TMED3: variants seen among roughly 807,000 people sequenced by gnomAD.
TMED3 encodes the protein transmembrane p24 trafficking protein 3, also known as transmembrane emp24 domain-containing protein 3.
A neutral mutation model predicts 15.0 loss-of-function variants in TMED3; 9 were observed. That is an observed-to-expected ratio of 0.60 (90% confidence interval 0.36 to 1.04). The LOEUF is 1.04. TMED3 is among the 50% of genes least tolerant of loss of function. The pLI is 0.01. For synonymous variants in TMED3, 117 were observed against 121.4 expected, an observed-to-expected ratio of 0.96 and a Z score of 0.24; for missense variants, 267 against 278.9, an observed-to-expected ratio of 0.96 and a Z score of 0.30.
intron 2 of TMED3, among the ~76,000 whole-genome samples, chr15:79,389,697 A>G (rs954275675): frequency 4.8e-4 from 73 of 152,148 alleles, no homozygotes; most frequent in Non-Finnish European, 2.9e-5. Flanking sequence ...GGTCGTTTTC[A>G]CAATATTGAT....
chr15:79,311,543 G>C, intron 1 of TMED3, 126 bp downstream of exon 1: 1 of 1,175,458 alleles, frequency 8.5e-7, no homozygotes, highest in Non-Finnish European at 1.2e-6. Context: ...CATGGGGTGG[G>C]AGTCCCCGGA....
chr15:79,326,633 A>T (rs1254604238), downstream of TMED3, among the ~76,000 whole-genome samples: 2 of 152,168 alleles, frequency 1.3e-5, no homozygotes, highest in African/African-American at 4.8e-5. Context: ...AGGAACAATC[A>T]CTTGTTGCAG....
At chr15:79,353,086 A>G (rs1489270906) in intron 2 of TMED3, among the ~76,000 whole-genome samples, 9 of 103,922 alleles carry the variant, frequency 8.7e-5, no homozygotes, top group African/African-American at 3.5e-4. Context: ...TTATATATAA[A>G]ATATAAATGT....
In TMED3 at chr15:79,408,375, G is replaced by C. The variant is rs999654695; in HGVS notation, c.418-3025G>C. Among the ~76,000 whole-genome samples, 3 of 152,232 alleles carry C rather than the reference G, an allele frequency of 2.0e-5. 1 individual carries two copies. The highest frequency in any genetic ancestry group is 7.2e-5 in the African/African-American group (3 of 41,456). On this transcript the variant is annotated intron_variant, in intron 2 of 2. Coordinates refer to the TMED3 transcript ENST00000424155. ...CCCATAGGCTTTTCAGAGACCTATA[G>C]CATCTATGATCTGAGTGCTGAGTTG...
At chr15:79,385,921 T>C (rs1893621481) in intron 2 of TMED3, among the ~76,000 whole-genome samples, 1 of 152,210 alleles carries the variant, frequency 6.6e-6, no homozygotes, top group Admixed American at 6.5e-5. Context: ...ATTTTACAAA[T>C]GATAAAACAA....
chr15:79,402,562 G>C (rs1017496114), intron 2 of TMED3, among the ~76,000 whole-genome samples: 1 of 151,274 alleles, frequency 6.6e-6, no homozygotes, highest in Non-Finnish European at 1.5e-5. Flanking sequence ...GGTGGATCAC[G>C]AGGTCAGGGG....
At chr15:79,408,321 G>A (rs1395935) in intron 2 of TMED3, among the ~76,000 whole-genome samples, 2 of 152,056 alleles carry the variant, frequency 1.3e-5, no homozygotes, top group African/African-American at 4.8e-5. Flanking sequence ...TCTGCCAGTC[G>A]CAGTTCCTCC....
intron 2 of TMED3, among the ~76,000 whole-genome samples, chr15:79,363,005 T>G (rs975142323): frequency 3.3e-5 from 5 of 152,054 alleles, no homozygotes; most frequent in Non-Finnish European, 7.3e-5. Flanking sequence ...ATGAAAATTG[T>G]TTGATTAGGG....
At chr15:79,311,547 C>A in intron 1 of TMED3, 130 bp downstream of exon 1, 2 of 1,132,132 alleles carry the variant, frequency 1.8e-6, no homozygotes, top group South Asian at 1.7e-5. Context: ...GGGTGGGAGT[C>A]CCCGGAGACC....
chr15:79,387,948 CTTAA>C (rs1000995694), intron 2 of TMED3, among the ~76,000 whole-genome samples: 1 of 152,076 alleles, frequency 6.6e-6, no homozygotes, highest in Non-Finnish European at 1.5e-5. Context: ...GCTAATCTTT[CTTAA>C]TTATTAAAAA....
At chr15:79,406,455 GGGA>G (rs1158751425) in intron 2 of TMED3, among the ~76,000 whole-genome samples, 2 of 152,188 alleles carry the variant, frequency 1.3e-5, no homozygotes, top group Non-Finnish European at 2.9e-5. Context: ...CACTCTAACT[GGGA>G]GGGTGGGGGC....
At chr15:79,407,981 A>G (rs1457856259) in intron 2 of TMED3, among the ~76,000 whole-genome samples, 1 of 152,218 alleles carries the variant, frequency 6.6e-6, no homozygotes, top group Non-Finnish European at 1.5e-5. Context: ...GATTTTGCGC[A>G]AGTCATTCAG....
chr15:79,336,719 AAAAC>A (rs71894789), intron 2 of TMED3, among the ~76,000 whole-genome samples: 57,891 of 151,492 alleles, frequency 0.38, 12,142 homozygotes, highest in East Asian at 0.54. Flanking sequence ...ACAAACACAA[AAAAC>A]AAACAAAGAA....
chr15:79,384,211 G>T (rs1893589069), intron 2 of TMED3: 1 of 152,254 alleles, frequency 6.6e-6, no homozygotes, highest in Admixed American at 6.5e-5. Context: ...TCTCGAGGCA[G>T]TGATTAATAC....
chr15:79,339,917 G>T (rs564358054), intron 2 of TMED3, among the ~76,000 whole-genome samples: 1 of 152,044 alleles, frequency 6.6e-6, no homozygotes, highest in South Asian at 2.1e-4. Context: ...TGGTGATGGT[G>T]GTGGAGATGA....
rs60358297 is a variant in TMED3 at position 79,387,594 on chromosome 15, G to GCACA, written c.418-23783_418-23780dup. On this transcript the variant is annotated intron_variant, in intron 2 of 2. Transcript: ENST00000424155. ...TTAAAATACACACACACATGCACCT[G>GCACA]CACACACACACACACACACACACAC... is the stretch of plus-strand genomic sequence containing the variant. Among the ~76,000 whole-genome samples the GCACA allele has an allele frequency of 1.1e-3, 171 of 149,410 alleles. 3 individuals are homozygous for GCACA. The East Asian group carries it at 0.015, about 13-fold the overall frequency.
chr15:79,343,839 T>C (rs1238519958), intron 2 of TMED3, among the ~76,000 whole-genome samples: 1 of 152,168 alleles, frequency 6.6e-6, no homozygotes, highest in Non-Finnish European at 1.5e-5. Context: ...TGAGCCTGAC[T>C]GTGGGAAGGA....
At chr15:79,344,627 C>T (rs2058862567) in intron 2 of TMED3, among the ~76,000 whole-genome samples, 1 of 152,196 alleles carries the variant, frequency 6.6e-6, no homozygotes, top group Admixed American at 6.5e-5. Flanking sequence ...ACTTTAATTA[C>T]ATCTGCAGAA....
intron 2 of TMED3, among the ~76,000 whole-genome samples, chr15:79,329,450 C>G (rs918061342): frequency 2.6e-5 from 4 of 152,260 alleles, no homozygotes; most frequent in African/African-American, 9.6e-5. Flanking sequence ...GCGCATAACT[C>G]CACTTGTTAA....
Sources: gnomAD v4.1 joint callset for allele counts (sites outside exome capture counted in the v4.1 genomes callset) on GRCh38, gnomAD v4.1.1 for gene constraint, MANE v1.5 for transcripts, NCBI Gene and HGNC (gene_info 2026-07-23, HGNC 2026-07-21) for gene names.